The following CEP112 variants were observed in gnomAD, a reference collection of about 807,000 sequenced individuals.
CEP112 encodes centrosomal protein of 112 kDa.
In CEP112, 127 loss-of-function variants were observed where a neutral mutation model predicts 153.0. The observed-to-expected ratio is 0.83, with a 90% CI of 0.72 to 0.96. The LOEUF (loss-of-function observed/expected upper bound fraction) is 0.96, where lower values mean the gene tolerates loss of function less well. CEP112 is among the 40% of genes least tolerant of loss of function. CEP112 has a pLI of 0.00. For missense variants in CEP112, 1,089 were observed against 1,101.2 expected, an observed-to-expected ratio of 0.99 and a Z score of 0.16; for synonymous variants, 358 against 374.4, an observed-to-expected ratio of 0.96 and a Z score of 0.51.
At chr17:66,052,793 AT>A (rs2066495546) in intron 12 of CEP112, among the ~76,000 whole-genome samples, 1 of 150,422 alleles carries the variant, frequency 6.6e-6, no homozygotes, top group Non-Finnish European at 1.5e-5. Flanking sequence ...TTAAAAAAAA[AT>A]GAAACAAACA....
At chr17:66,181,170 T>C (rs2072704321) in intron 2 of CEP112, among the ~76,000 whole-genome samples, 1 of 152,198 alleles carries the variant, frequency 6.6e-6, no homozygotes, top group Non-Finnish European at 1.5e-5. Context: ...AAACCCATTA[T>C]CACAAGTTGA....
intron 21 of CEP112, among the ~76,000 whole-genome samples, chr17:65,846,862 G>C (rs912606462): frequency 3.9e-5 from 6 of 152,268 alleles, no homozygotes; most frequent in African/African-American, 1.2e-4. Flanking sequence ...TTTAATGAGT[G>C]CTTACTGTGT....
chr17:65,799,347 A>G (rs1173629084), intron 21 of CEP112, among the ~76,000 whole-genome samples: 1 of 152,060 alleles, frequency 6.6e-6, no homozygotes. Flanking sequence ...CCTCTACCTT[A>G]CCCACATACA....
rs1567962328 is a variant in CEP112 at position 65,752,046 on chromosome 17, C to CT, written c.2395-1323_2395-1322insA. On this transcript the variant is annotated intron_variant, in intron 21 of 26. Transcript: ENST00000535342. Reference sequence around the variant, plus strand: ...TCCATCCATCCATCCATCCATCCATCCATCCATCCATCCATCCATCATCTG... The same window carrying CT: ...TCCATCCATCCATCCATCCATCCATCTCATCCATCCATCCATCCATCATCTG... Among the ~76,000 whole-genome samples the CT allele has an allele frequency of 5.8e-4, 20 of 34,476 alleles. No individual in the cohort carries two copies. In the East Asian group the frequency reaches 0.064, roughly 111 times the overall value. The allele number at this position is 34,476 out of a possible 152,430, so 22.6% of individuals were successfully genotyped here. A position where few individuals can be genotyped will look rare whatever the true frequency, so the allele number is the denominator to read the frequency against.
chr17:66,070,466 A>C (rs1238408350), intron 8 of CEP112, among the ~76,000 whole-genome samples: 1 of 152,148 alleles, frequency 6.6e-6, no homozygotes, highest in Non-Finnish European at 1.5e-5. Context: ...TTGAGAATGA[A>C]TATCCATAAA....
intron 17 of CEP112, among the ~76,000 whole-genome samples, chr17:65,990,426 C>T (rs1310902241): frequency 6.6e-6 from 1 of 152,222 alleles, no homozygotes; most frequent in Non-Finnish European, 1.5e-5. Flanking sequence ...GCTGATGCCA[C>T]TCCTCCCCCA....
intron 1 of CEP112, among the ~76,000 whole-genome samples, chr17:66,189,436 G>A (rs1004182234): frequency 4.0e-5 from 6 of 151,392 alleles, no homozygotes; most frequent in South Asian, 4.2e-4. Flanking sequence ...CCCGGGAGGC[G>A]GAGTTTGCAG....
chr17:65,695,379 TC>T (rs1483213839), intron 23 of CEP112, among the ~76,000 whole-genome samples: 24 of 152,228 alleles, frequency 1.6e-4, no homozygotes, highest in African/African-American at 5.8e-4. Flanking sequence ...ACAGGGCTTT[TC>T]TGTGAGTTTG....
At chr17:65,643,056 C>A (rs1031965868) in intron 24 of CEP112, among the ~76,000 whole-genome samples, 1 of 152,102 alleles carries the variant, frequency 6.6e-6, no homozygotes, top group Non-Finnish European at 1.5e-5. Flanking sequence ...GGATTCCCTG[C>A]CCACTGGCCA....
intron 22 of CEP112, among the ~76,000 whole-genome samples, chr17:65,744,738 C>G (rs1330146701): frequency 1.3e-5 from 2 of 152,202 alleles, no homozygotes; most frequent in African/African-American, 4.8e-5. Context: ...CTCAAATTAA[C>G]CATCTGATGA....
chr17:65,858,701 C>T (rs1696648731), intron 20 of CEP112, among the ~76,000 whole-genome samples: 1 of 152,144 alleles, frequency 6.6e-6, no homozygotes, highest in African/African-American at 2.4e-5. Flanking sequence ...TAACAATTAA[C>T]CGTTTAAAAA....
intron 23 of CEP112, among the ~76,000 whole-genome samples, chr17:65,694,156 T>C (rs750590577): frequency 6.6e-6 from 1 of 152,164 alleles, no homozygotes; most frequent in Non-Finnish European, 1.5e-5. Context: ...ATGCGGAAAC[T>C]TCCTTAGGGA....
At chr17:66,080,785 G>A (rs1197235392) in intron 8 of CEP112, among the ~76,000 whole-genome samples, 3 of 152,188 alleles carry the variant, frequency 2.0e-5, no homozygotes, top group African/African-American at 7.2e-5. Context: ...ATGATAGACT[G>A]AATAAAGAAA....
At chr17:66,108,567 C>T (rs956732268) in intron 6 of CEP112, among the ~76,000 whole-genome samples, 1 of 152,166 alleles carries the variant, frequency 6.6e-6, no homozygotes, top group African/African-American at 2.4e-5. Context: ...AATGAGATAT[C>T]ATCTCACCCC....
rs2057938519 is a variant in CEP112, at chr17:65,851,734, T to G, written c.2394+70A>C. Reference sequence around the variant, plus strand: ...TCTACTACCTTTTGGAGATTAAATATAAGGGTGGTGGCAATGGATTTTAAA... The same window carrying G: ...TCTACTACCTTTTGGAGATTAAATAGAAGGGTGGTGGCAATGGATTTTAAA... On this transcript the variant is annotated intron_variant, in intron 21 of 26. Transcript: ENST00000535342. 7 of 1,075,552 alleles carry G rather than the reference T, an allele frequency of 6.5e-6. No homozygotes were observed. In the Admixed American group the frequency reaches 1.4e-4, roughly 21 times the overall value. The allele number at this position is 1,075,552 out of a possible 1,614,324, so 66.6% of individuals were successfully genotyped here. A position where few individuals can be genotyped will look rare whatever the true frequency, so the allele number is the denominator to read the frequency against.
At chr17:65,820,042 ATGGCAATTCCC>A (rs1321714804) in intron 21 of CEP112, among the ~76,000 whole-genome samples, 2 of 152,106 alleles carry the variant, frequency 1.3e-5, no homozygotes, top group African/African-American at 4.8e-5. Flanking sequence ...TGAAGGACAT[ATGGCAATTCCC>A]TGTACTATTT....
intron 17 of CEP112, among the ~76,000 whole-genome samples, chr17:65,967,642 A>G (rs1423847768): frequency 6.6e-6 from 1 of 152,230 alleles, no homozygotes; most frequent in East Asian, 1.9e-4. Flanking sequence ...ATGAAGTAAG[A>G]GGCTATATAA....
At chr17:66,082,172 T>C (rs946589502) in intron 8 of CEP112, among the ~76,000 whole-genome samples, 1 of 152,164 alleles carries the variant, frequency 6.6e-6, no homozygotes, top group Non-Finnish European at 1.5e-5. Flanking sequence ...TGTTCTTTCA[T>C]TTTCAGTGAG....
At chr17:66,072,577 G>C (rs1368995150) in intron 8 of CEP112, among the ~76,000 whole-genome samples, 1 of 152,152 alleles carries the variant, frequency 6.6e-6, no homozygotes, top group East Asian at 1.9e-4. Context: ...TGGCAAGAAT[G>C]ACACTAAAGT....
Sources: allele counts gnomAD v4.1 joint callset (sites outside exome capture counted in the v4.1 genomes callset), GRCh38; gene constraint gnomAD v4.1.1; transcripts MANE v1.5; gene names NCBI Gene and HGNC (gene_info 2026-07-23, HGNC 2026-07-21).